The following CXXC1 variants were observed in gnomAD, a reference collection of about 807,000 sequenced individuals.
The protein encoded by CXXC1 is CXXC-type zinc finger protein 1.
Under a neutral mutation model 83.6 loss-of-function variants are expected in CXXC1, and 21 were observed. The observed-to-expected ratio is 0.25, with a 90% CI of 0.18 to 0.36. The LOEUF is 0.36. CXXC1 is among the 10% of genes least tolerant of loss of function. The pLI is 1.00. For synonymous variants in CXXC1, 371 were observed against 337.5 expected (o/e 1.10, Z -1.09); for missense variants, 688 against 919.5 (o/e 0.75, Z 3.26).
Position 50,285,395 on chromosome 18 carries a change from G to A in CXXC1, c.640-44C>T. 1.3e-6 allele frequency: 2 copies of A among 1,557,692 alleles called. No homozygotes were observed. Among genetic ancestry groups the A allele is most frequent in the Non-Finnish European group, 1.7e-6 (2 of 1,151,864 alleles). ...GGCCCAGGTCAGCCCCAGGTGGATGGAGGGCGGCCTTGCCCTAGCCCTACC... is the reference window on the plus strand; with the variant it reads ...GGCCCAGGTCAGCCCCAGGTGGATGAAGGGCGGCCTTGCCCTAGCCCTACC... On this transcript the variant is annotated intron_variant, in intron 5 of 14. Coordinates refer to ENST00000285106, the MANE Select transcript of CXXC1 (RefSeq NM_014593.4). This position sits in a 1 kb window ranked among gnomAD's most constrained non-coding sequence, Gnocchi z 4.4.
intron 9 of CXXC1, 100 bp downstream of exon 9, chr18:50,284,278 G>C: frequency 6.6e-7 from 1 of 1,513,262 alleles, no homozygotes; most frequent in Non-Finnish European, 8.9e-7. Context: ...GCTGTTTGGT[G>C]ACTGGTGGAT....
chr18:50,285,686 T>C lies in CXXC1; in HGVS notation c.639+63A>G. On this transcript the variant is annotated intron_variant, in intron 5 of 14. Transcript: ENST00000285106. This position sits in a 1 kb window ranked among gnomAD's most constrained non-coding sequence, Gnocchi z 4.4. ...TGGTTTATCCATGCCTAGACTTAAC[T>C]AACCATGCATGGACCCACCAGCTCT... 2 of 1,567,614 alleles carry C rather than the reference T, an allele frequency of 1.3e-6. No homozygotes were observed.
In CXXC1 at chr18:50,286,566, G is replaced by T. The variant is rs757330676; in HGVS notation, c.196C>A (p.Arg66=). ...CTGCACTCCCGACAGTACCACTCCC[G>T]GATGGCCTTGGCCATCTTCTCAGTG... ...RITEKMAKAI[R]EWYCRECREK... is the part of the protein sequence containing the mutation. Residue 66 remains arginine (R), a synonymous_variant, in exon 3 of 15, where the codon CGG becomes AGG. Transcript: ENST00000285106. 1.2e-6 allele frequency: 2 copies of T among 1,613,854 alleles called. No homozygotes were observed. Among genetic ancestry groups the T allele is most frequent in the Admixed American group, 3.3e-5 (2 of 59,996 alleles).
Position 50,282,548 on chromosome 18 carries a change from T to C in CXXC1, c.*45A>G, listed in dbSNP as rs749423813. On this transcript the variant is annotated 3_prime_UTR_variant, in exon 15 of 15. Transcript: ENST00000285106. The surrounding 1 kb of genome is among the most constrained non-coding windows in gnomAD (Gnocchi z 5.8). ...AACGGACACACGGGCACCGGGCGGC[T>C]CCCCCATCTGGAATGCAGGGTGTAA... 8.8e-6 allele frequency: 14 copies of C among 1,595,284 alleles called. No homozygotes were observed. The highest frequency in any genetic ancestry group is 1.1e-5 in the Non-Finnish European group (13 of 1,176,392).
intron 1 of CXXC1, 190 bp from the exon 2 acceptor site, chr18:50,287,048 C>A (rs1310569240): frequency 6.7e-6 from 4 of 595,334 alleles, no homozygotes; most frequent in Non-Finnish European, 1.2e-5. Flanking sequence ...TATTACTCTG[C>A]TCCATACTTC....
chr18:50,282,523 A>AACGG lies in CXXC1; in HGVS notation c.*66_*69dup. On this transcript the variant is annotated 3_prime_UTR_variant, in exon 15 of 15. Coordinates refer to ENST00000285106, the MANE Select transcript of CXXC1 (RefSeq NM_014593.4). This position sits in a 1 kb window ranked among gnomAD's most constrained non-coding sequence, Gnocchi z 5.8. ...AACCGGAGAAACAGATGAGTGGAGGAACGGACACACGGGCACCGGGCGGCT... is the reference window on the plus strand; with the variant it reads ...AACCGGAGAAACAGATGAGTGGAGGAACGGACGGACACACGGGCACCGGGCGGCT... 6.4e-7 allele frequency: 1 copy of AACGG among 1,568,924 alleles called. No homozygotes were observed. Among genetic ancestry groups the AACGG allele is most frequent in the Non-Finnish European group, 8.6e-7 (1 of 1,156,088 alleles).
At chr18:50,283,209 G>A in intron 13 of CXXC1, 56 bp downstream of exon 13, 1 of 1,440,526 alleles carries the variant, frequency 6.9e-7, no homozygotes, top group Non-Finnish European at 9.8e-7. Flanking sequence ...GGATGAATGT[G>A]GGACAGCGAG....
In CXXC1 at chr18:50,282,460, G is replaced by A. The variant is rs1215189518; in HGVS notation, c.*133C>T. Reference sequence around the variant, plus strand: ...CGACGGGGACAGTCCCTCTGATAAAGGCAGATGGGCGGTCAACCGGTGGAT... The same window carrying A: ...CGACGGGGACAGTCCCTCTGATAAAAGCAGATGGGCGGTCAACCGGTGGAT... On this transcript the variant is annotated 3_prime_UTR_variant, in exon 15 of 15. Transcript: ENST00000285106. The surrounding 1 kb of genome is among the most constrained non-coding windows in gnomAD (Gnocchi z 5.8). 10 of 1,165,284 alleles carry A rather than the reference G, an allele frequency of 8.6e-6. No individual in the cohort carries two copies. The highest frequency in any genetic ancestry group is 1.2e-5 in the Non-Finnish European group (10 of 806,198). The allele number at this position is 1,165,284 out of a possible 1,614,324, so 72.2% of individuals were successfully genotyped here.
Position 50,285,011 on chromosome 18 carries a change from GTCA to G in CXXC1, c.900_902del (p.Asp301del). The G allele has an allele frequency of 1.2e-6, 2 of 1,614,152 alleles. No homozygotes were observed. Among genetic ancestry groups the G allele is most frequent in the South Asian group, 2.2e-5 (2 of 91,086 alleles). On this transcript the variant is annotated inframe_deletion, in exon 7 of 15. Transcript: ENST00000285106. The surrounding 1 kb of genome is among the most constrained non-coding windows in gnomAD (Gnocchi z 4.4). ...GCTCCTGTCTGCTCACCAGGCCATGGTCATCAAAGGCCCCTGCACAGAAGTCCT... is the reference window on the plus strand; with the variant it reads ...GCTCCTGTCTGCTCACCAGGCCATGGTCAAAGGCCCCTGCACAGAAGTCCT...
In CXXC1 at chr18:50,287,596, G is replaced by T; in HGVS notation, c.-7C>A. 6.2e-7 allele frequency: 1 copy of T among 1,611,130 alleles called. No homozygotes were observed. On this transcript the variant is annotated 5_prime_UTR_variant, in exon 1 of 15. Transcript: ENST00000285106. ...TGGACCCGCTACTTACCATATCTCC[G>T]CTCCCGGCGCACTCCCTCACGACCC...
rs1381750126 is a variant in CXXC1 at position 50,282,486 on chromosome 18, G to A, written c.*107C>T. On this transcript the variant is annotated 3_prime_UTR_variant, in exon 15 of 15. Transcript: ENST00000285106. The surrounding 1 kb of genome is among the most constrained non-coding windows in gnomAD (Gnocchi z 5.8). ...GCAGATGGGCGGTCAACCGGTGGAT[G>A]GGCACAGGGAGAACCGGAGAAACAG... 2.1e-5 allele frequency: 29 copies of A among 1,403,770 alleles called. No individual in the cohort carries two copies. The highest frequency in any genetic ancestry group is 3.5e-5 in the Admixed American group (2 of 56,756). The allele number at this position is 1,403,770 out of a possible 1,614,324, so 87.0% of individuals were successfully genotyped here.
intron 1 of CXXC1, 82 bp from the exon 2 acceptor site, chr18:50,286,940 G>T: frequency 1.0e-6 from 1 of 990,320 alleles, no homozygotes; most frequent in African/African-American, 1.6e-5. Context: ...ACCGTGGTCA[G>T]CAGGGATCCC....
intron 3 of CXXC1, 104 bp downstream of exon 3, chr18:50,286,435 A>T: frequency 9.0e-7 from 1 of 1,107,568 alleles, no homozygotes; most frequent in Non-Finnish European, 1.3e-6. Flanking sequence ...GCCCCATTCC[A>T]GCTCACCACA....
Position 50,285,522 on chromosome 18 carries a change from G to T in CXXC1, c.640-171C>A. The T allele has an allele frequency of 1.0e-6, 1 of 972,938 alleles. No homozygotes were observed. Among genetic ancestry groups the T allele is most frequent in the African/African-American group, 1.6e-5 (1 of 60,636 alleles). 60.3% of individuals were successfully genotyped at this position (972,938 alleles called of 1,614,324 possible). On this transcript the variant is annotated intron_variant, in intron 5 of 14. Transcript: ENST00000285106. The surrounding 1 kb of genome is among the most constrained non-coding windows in gnomAD (Gnocchi z 4.4). ...TCTGTACCAACATGCATGACCACCT[G>T]AAAACACCTGGCCCCACTCTGTCTA...
In CXXC1 at chr18:50,286,092, GC is replaced by G; in HGVS notation, c.388del (p.Ala130ProfsTer61). ...RRAGSGTGVG[A>X]MLARGSASPH... ...CGAAGCAGAGCCCCGAGCAAGCATG[GC>G]CCCAACCCCTGTCCCTGACCCTGCC... On this transcript the variant is annotated frameshift_variant, in exon 4 of 15. Transcript: ENST00000285106. LOFTEE classifies it high-confidence loss of function. 1 of 1,613,904 alleles carries G rather than the reference GC, an allele frequency of 6.2e-7. No individual in the cohort carries two copies. Among genetic ancestry groups the G allele is most frequent in the Non-Finnish European group, 8.5e-7 (1 of 1,179,978 alleles).
In CXXC1 at chr18:50,286,073, A is replaced by G; in HGVS notation, c.408T>C (p.Ser136=). The change falls in exon 4 of 15, where the codon TCT becomes TCC. Residue 136 remains serine, a synonymous_variant. Coordinates refer to ENST00000285106, the MANE Select transcript of CXXC1 (RefSeq NM_014593.4). ...GCGGAGAGGATTTGTGGGGCGAAGC[A>G]GAGCCCCGAGCAAGCATGGCCCCAA... is the stretch of plus-strand genomic sequence containing the variant. ...TGVGAMLARG[S]ASPHKSSPQP... is the part of the protein sequence containing the mutation. The G allele has an allele frequency of 6.2e-7, 1 of 1,614,000 alleles. No individual in the cohort carries two copies. Among genetic ancestry groups the G allele is most frequent in the Non-Finnish European group, 8.5e-7 (1 of 1,179,956 alleles).
In CXXC1 at chr18:50,284,479, G is replaced by A. The variant is rs772384584; in HGVS notation, c.1104C>T (p.Asp368=). The change falls in exon 9 of 15, where the codon GAC becomes GAT. Residue 368 remains aspartate (D), a synonymous_variant. Coordinates refer to ENST00000285106, the MANE Select transcript of CXXC1 (RefSeq NM_014593.4). ...CCAGGCACTGGGGCAGTGACGCAGG[G>A]TCCTTGGCATCAGCCCTCTCTGGGT... The part of the protein sequence containing the change: ...WKHPERADAK[D]PASLPQCLGP... The A allele has an allele frequency of 1.8e-5, 29 of 1,609,800 alleles. No homozygotes were observed. Among genetic ancestry groups the A allele is most frequent in the Non-Finnish European group, 2.4e-5 (28 of 1,177,988 alleles).
Position 50,283,204 on chromosome 18 carries a change from A to T in CXXC1, c.1671+61T>A, listed in dbSNP as rs1000447135. The T allele has an allele frequency of 6.9e-5, 97 of 1,408,252 alleles. 1 individual carries two copies. The Middle Eastern group carries it at 4.9e-3, about 71-fold the overall frequency. 87.2% of individuals were successfully genotyped at this position (1,408,252 alleles called of 1,614,324 possible). ...AAGTGAGGTGAGGAAGGAAGGGATGAATGTGGGACAGCGAGGCAGGGAGGA... is the reference window on the plus strand; with the variant it reads ...AAGTGAGGTGAGGAAGGAAGGGATGTATGTGGGACAGCGAGGCAGGGAGGA... On this transcript the variant is annotated intron_variant, in intron 13 of 14. Transcript: ENST00000285106.
Position 50,285,457 on chromosome 18 carries a change from C to T in CXXC1, c.640-106G>A. The T allele has an allele frequency of 3.0e-6, 4 of 1,339,380 alleles. No individual in the cohort carries two copies. The highest frequency in any genetic ancestry group is 4.1e-6 in the Non-Finnish European group (4 of 987,082). 83.0% of individuals were successfully genotyped at this position (1,339,380 alleles called of 1,614,324 possible). A position where few individuals can be genotyped will look rare whatever the true frequency, so the allele number is the denominator to read the frequency against. The stretch of plus-strand genomic sequence containing the variant: ...GCCTTACCTCCCCAGACACACCTCC[C>T]CGCTACCCCTCATTGCCAGGAATGC... On this transcript the variant is annotated intron_variant, in intron 5 of 14. Coordinates refer to ENST00000285106, the MANE Select transcript of CXXC1 (RefSeq NM_014593.4). This position sits in a 1 kb window ranked among gnomAD's most constrained non-coding sequence, Gnocchi z 4.4.
Sources: gnomAD v4.1 joint callset for allele counts on GRCh38, gnomAD v4.1.1 for gene constraint, Gnocchi (gnomAD v3.1) non-coding constraint, MANE v1.5 for transcripts, NCBI Gene and HGNC (gene_info 2026-07-23, HGNC 2026-07-21) for gene names.